The following EXOC6 variants were observed in gnomAD, a reference collection of about 807,000 sequenced individuals.
EXOC6 encodes the protein SEC15-like 1.
A neutral mutation model predicts 112.5 loss-of-function variants in EXOC6; 60 were observed. The ratio of observed to expected loss-of-function variants is 0.53; its 90% CI spans 0.43 to 0.66. EXOC6 has a LOEUF of 0.66. Among genes scored for constraint, EXOC6 ranks in the 30% least tolerant of loss-of-function variants. EXOC6 has a pLI of 0.00. For synonymous variants in EXOC6, 295 were observed against 308.0 expected (o/e 0.96, Z 0.44); for missense variants, 855 against 957.1 (o/e 0.89, Z 1.41).
chr10:93,050,113 T>C (rs573258993), intron 20 of EXOC6, among the ~76,000 whole-genome samples: 31 of 151,918 alleles, frequency 2.0e-4, no homozygotes, highest in African/African-American at 6.8e-4. Flanking sequence ...AAAACAAAAA[T>C]AGACAAAAAT....
intron 9 of EXOC6, among the ~76,000 whole-genome samples, chr10:92,932,935 T>C (rs1208004763): frequency 6.6e-6 from 1 of 152,136 alleles, no homozygotes; most frequent in South Asian, 2.1e-4. Flanking sequence ...TAAACTATCC[T>C]ACAGTTTGAA....
chr10:92,885,314 G>A lies in EXOC6; in HGVS notation c.102-8035G>A, dbSNP rs533207353. Among the ~76,000 whole-genome samples, 5 of 151,436 alleles carry A rather than the reference G, an allele frequency of 3.3e-5. No homozygotes were observed. The East Asian group carries it at 9.7e-4, about 29-fold the overall frequency. ...TTCCGAGTTGCTAAAATTAAAATATGTAAGTAAAATCTTTAGTGTGGCATA... is the reference window on the plus strand; with the variant it reads ...TTCCGAGTTGCTAAAATTAAAATATATAAGTAAAATCTTTAGTGTGGCATA... On this transcript the variant is annotated intron_variant, in intron 1 of 21. Transcript: ENST00000260762.
At chr10:92,876,449 T>G (rs1848690784) in intron 1 of EXOC6, among the ~76,000 whole-genome samples, 1 of 152,150 alleles carries the variant, frequency 6.6e-6, no homozygotes, top group Non-Finnish European at 1.5e-5. Flanking sequence ...ACTCAGTAAT[T>G]GGTAGAGGTA....
Position 93,058,244 on chromosome 10 carries a change from G to A in EXOC6, c.2304G>A (p.Lys768=). The A allele has an allele frequency of 6.2e-7, 1 of 1,605,566 alleles. No homozygotes were observed. The highest frequency in any genetic ancestry group is 1.1e-5 in the South Asian group (1 of 88,548). The stretch of plus-strand genomic sequence containing the variant: ...CTAGGATGAAGGATACTAGCAAAAA[G>A]AACAATATATTTGCTCAGTTCAGGA... ...LLEKMKDTSK[K]NNIFAQFRKN... Residue 768 remains lysine, a synonymous_variant, in exon 22 of 22, where the codon AAG becomes AAA. Coordinates refer to ENST00000260762, the MANE Select transcript of EXOC6 (RefSeq NM_019053.6).
intron 18 of EXOC6, among the ~76,000 whole-genome samples, chr10:92,986,681 TAAA>T (rs751652354): frequency 1.6e-5 from 2 of 125,168 alleles, no homozygotes; most frequent in Non-Finnish European, 1.7e-5. Flanking sequence ...TATCTTTTTC[TAAA>T]AAAAAAAAAA....
chr10:93,031,451 C>T (rs868314301), intron 20 of EXOC6, among the ~76,000 whole-genome samples: 1 of 150,282 alleles, frequency 6.7e-6, no homozygotes. Flanking sequence ...AATATGTTCT[C>T]ATTTAATTAG....
chr10:92,877,030 ATTTTTTG>A (rs1226528421), intron 1 of EXOC6, among the ~76,000 whole-genome samples: 1 of 152,040 alleles, frequency 6.6e-6, no homozygotes, highest in Non-Finnish European at 1.5e-5. Context: ...CTGCGTAATG[ATTTTTTG>A]TTTTTTGTTT....
intron 18 of EXOC6, among the ~76,000 whole-genome samples, chr10:92,989,459 C>A (rs556264111): frequency 6.6e-6 from 1 of 152,278 alleles, no homozygotes; most frequent in South Asian, 2.1e-4. Flanking sequence ...TTACTCATTT[C>A]TTGCACACCT....
At chr10:92,908,624 T>C (rs574864956) in intron 5 of EXOC6, among the ~76,000 whole-genome samples, 5 of 152,220 alleles carry the variant, frequency 3.3e-5, no homozygotes, top group Non-Finnish European at 7.3e-5. Context: ...CTTGGCTAAA[T>C]TATATACTCT....
At chr10:93,039,874 T>G (rs1056780634) in intron 20 of EXOC6, among the ~76,000 whole-genome samples, 1 of 152,198 alleles carries the variant, frequency 6.6e-6, no homozygotes, top group Non-Finnish European at 1.5e-5. Flanking sequence ...CACCTCCTTT[T>G]CATAGAATTC....
chr10:93,043,489 G>T (rs947802844), intron 20 of EXOC6, among the ~76,000 whole-genome samples: 1 of 152,116 alleles, frequency 6.6e-6, no homozygotes, highest in Non-Finnish European at 1.5e-5. Context: ...TACCTCAACT[G>T]TGTTGAGGGC....
chr10:93,055,192 G>T (rs1403707187), intron 20 of EXOC6, among the ~76,000 whole-genome samples: 3 of 152,036 alleles, frequency 2.0e-5, no homozygotes, highest in Admixed American at 2.0e-4. Flanking sequence ...AGTCTTTTTG[G>T]ATGGGTTTTT....
chr10:92,907,823 T>C (rs1427836438), intron 5 of EXOC6, among the ~76,000 whole-genome samples: 1 of 152,138 alleles, frequency 6.6e-6, no homozygotes, highest in Non-Finnish European at 1.5e-5. Flanking sequence ...TTATCAAAAT[T>C]ATTGTAATGA....
intron 11 of EXOC6, 34 bp downstream of exon 11, chr10:92,934,464 A>G: frequency 6.6e-7 from 1 of 1,514,722 alleles, no homozygotes; most frequent in African/African-American, 1.4e-5. Context: ...TAAAATTTTA[A>G]TTCAGTTACT....
rs1288350954 is a variant in EXOC6, at chr10:92,896,099, GTA to G, written c.412+1087_412+1088del. Among the ~76,000 whole-genome samples the G allele has an allele frequency of 6.6e-4, 11 of 16,710 alleles. 1 individual carries two copies. The South Asian group carries it at 0.027, about 41-fold the overall frequency. 11.0% of individuals were successfully genotyped at this position (16,710 alleles called of 152,430 possible). Reference sequence around the variant, plus strand: ...TATATATGTGTATATATATATGTGTGTATATATATGTGTATATATATGTGTGT... The same window carrying G: ...TATATATGTGTATATATATATGTGTGTATATATGTGTATATATATGTGTGT... On this transcript the variant is annotated intron_variant, in intron 4 of 21. Coordinates refer to ENST00000260762, the MANE Select transcript of EXOC6 (RefSeq NM_019053.6).
intron 13 of EXOC6, among the ~76,000 whole-genome samples, chr10:92,942,359 C>T (rs541930257): frequency 3.3e-5 from 5 of 152,294 alleles, no homozygotes; most frequent in South Asian, 2.1e-4. Flanking sequence ...CACACCACTG[C>T]ACTCCAGCCT....
At chr10:92,996,910 CT>C (rs200904916) in intron 18 of EXOC6, among the ~76,000 whole-genome samples, 2 of 150,974 alleles carry the variant, frequency 1.3e-5, no homozygotes, top group Non-Finnish European at 1.5e-5. Context: ...GTAGACAAAC[CT>C]TTTTTTTTCT....
intron 17 of EXOC6, among the ~76,000 whole-genome samples, chr10:92,960,325 A>G (rs1330172421): frequency 6.6e-6 from 1 of 152,174 alleles, no homozygotes; most frequent in East Asian, 1.9e-4. Context: ...GGAGGCAATA[A>G]AAAAATTAAT....
chr10:92,955,768 A>G (rs1415745394), intron 17 of EXOC6, 54 bp downstream of exon 17: 1 of 1,505,258 alleles, frequency 6.6e-7, no homozygotes, highest in Non-Finnish European at 9.0e-7. Context: ...AGCAGACGTT[A>G]AGAAATTAAA....
Sources: allele counts gnomAD v4.1 joint callset (sites outside exome capture counted in the v4.1 genomes callset), GRCh38; gene constraint gnomAD v4.1.1; transcripts MANE v1.5; gene names NCBI Gene and HGNC (gene_info 2026-07-23, HGNC 2026-07-21).